The following MACF1 variants were observed in gnomAD, a reference collection of about 807,000 sequenced individuals.
The protein encoded by MACF1 is microtubule actin crosslinking factor 1, also known as microtubule-actin cross-linking factor 1.
In MACF1, 193 loss-of-function variants were observed where a neutral mutation model predicts 854.8. The ratio of observed to expected loss-of-function variants is 0.23; its 90% CI spans 0.20 to 0.25. MACF1 has a LOEUF of 0.25. Among genes scored for constraint, MACF1 ranks in the 10% least tolerant of loss-of-function variants. The probability of loss-of-function intolerance (pLI) is 1.00; values close to 1 mark genes in which losing one functional copy is unlikely to be tolerated. For missense variants in MACF1, 7,722 were observed against 8,929.1 expected (o/e 0.86, Z 5.45); for synonymous variants, 3,185 against 3,226.7 (o/e 0.99, Z 0.44).
intron 2 of MACF1, among the ~76,000 whole-genome samples, chr1:39,236,733 C>G (rs1404644635): frequency 6.6e-6 from 1 of 152,132 alleles, no homozygotes; most frequent in African/African-American, 2.4e-5. Context: ...GCAATCTCAG[C>G]TCACTGCAAC....
chr1:39,359,225 G>A lies in MACF1; in HGVS notation c.12205G>A (p.Glu4069Lys), dbSNP rs1647852026. ...VARDIMEIEGEPAPDHRHVQE... is the reference protein window; with the variant it reads ...VARDIMEIEGKPAPDHRHVQE... ...TCGTGACATAATGGAAATTGAAGGGGAGCCAGCCCCAGACCACAGGCATGT... is the reference window on the plus strand; with the variant it reads ...TCGTGACATAATGGAAATTGAAGGGAAGCCAGCCCCAGACCACAGGCATGT... Residue 4069 changes from glutamate (E) to lysine (K), a missense_variant, in exon 47 of 101, where the codon GAG becomes AAG. This residue lies in a region of MACF1 where 2,807 missense variants were observed against 3,235.8 expected (regional missense o/e 0.87). Transcript: ENST00000564288. 6.2e-7 allele frequency: 1 copy of A among 1,614,062 alleles called. No individual in the cohort carries two copies. Among genetic ancestry groups the A allele is most frequent in the South Asian group, 1.1e-5 (1 of 91,070 alleles).
rs1239983968 is a variant in MACF1 at position 39,346,972 on chromosome 1, C to G, written c.10582-5C>G. The G allele has an allele frequency of 8.8e-6, 14 of 1,588,268 alleles. No individual in the cohort carries two copies. The highest frequency in any genetic ancestry group is 1.2e-5 in the Non-Finnish European group (14 of 1,165,898). ...TGTTTTGTTTCCTTTTTCCATTTAC[C>G]TTAGGATTTGAAACAGCCCATGGCT... On this transcript the variant is annotated splice_region_variant and splice_polypyrimidine_tract_variant and intron_variant, in intron 40 of 100. Coordinates refer to ENST00000564288, the MANE Select transcript of MACF1 (RefSeq NM_001394062.1).
Position 39,335,369 on chromosome 1 carries a change from C to G in MACF1, c.8781C>G (p.Thr2927=), listed in dbSNP as rs372932766. 63 of 1,613,420 alleles carry G rather than the reference C, an allele frequency of 3.9e-5. No individual in the cohort carries two copies. In the East Asian group the frequency reaches 9.1e-4, roughly 23 times the overall value. ...TTATTTCTCATATGAAGCAGTCTAC[C>G]TCATGTCTAGATTCTGAAGAAATAA... ...IEIISHMKQS[T]SCLDSEEIRE... Residue 2927 remains threonine (T), a synonymous_variant, in exon 37 of 101, where the codon ACC becomes ACG. Coordinates refer to ENST00000564288, the MANE Select transcript of MACF1 (RefSeq NM_001394062.1).
At position 39,340,553 on chromosome 1, in the gene MACF1, G is replaced by A; in HGVS notation, c.10267G>A (p.Glu3423Lys). ...GACCACCTTGGTCAGTCAGGAGCTG[G>A]AGTGTGTGAATCAGATTATCATCAG... Reference protein sequence around the residue: ...DLTTLVSQELECVNQIIISQP... With the variant: ...DLTTLVSQELKCVNQIIISQP... Residue 3423 changes from glutamate to lysine, a missense_variant, in exon 39 of 101, where the codon GAG (glutamate) becomes AAG (lysine). Glu to Lys is a moderately conservative substitution (Grantham distance 56). Coordinates refer to ENST00000564288, the MANE Select transcript of MACF1 (RefSeq NM_001394062.1). 6.2e-7 allele frequency: 1 copy of A among 1,614,070 alleles called. No individual in the cohort carries two copies. Among genetic ancestry groups the A allele is most frequent in the East Asian group, 2.2e-5 (1 of 44,882 alleles).
rs949800536 is a variant in MACF1, at chr1:39,300,259, T to C, written c.2531T>C (p.Val844Ala). Reference protein sequence around the residue: ...IQSKSSVASLVGRSKTIVQLK... With the variant: ...IQSKSSVASLAGRSKTIVQLK... ...TCCAAGAGTTCCGTTGCCAGTCTCG[T>C]TGGGAGATCAAAAACCATCGTTCAG... Residue 844 changes from valine to alanine, a missense_variant, in exon 22 of 101, where the codon GTT becomes GCT. Val to Ala is a moderately conservative substitution (Grantham distance 64, BLOSUM62 0). Transcript: ENST00000564288. 1.9e-6 allele frequency: 3 copies of C among 1,613,994 alleles called. No homozygotes were observed. In the South Asian group the frequency reaches 3.3e-5, roughly 18 times the overall value.
At chr1:39,382,886 T>C (rs1242918423) in intron 56 of MACF1, among the ~76,000 whole-genome samples, 8 of 151,932 alleles carry the variant, frequency 5.3e-5, no homozygotes, top group African/African-American at 1.9e-4. Context: ...TTTGGGAGGC[T>C]AAGGTGGGTG....
intron 52 of MACF1, 109 bp from the exon 53 acceptor site, chr1:39,378,352 A>G: frequency 2.7e-6 from 2 of 731,614 alleles, no homozygotes; most frequent in South Asian, 3.1e-5. Context: ...TGCTGTGTTA[A>G]CTTCCTGATA....
intron 62 of MACF1, 77 bp downstream of exon 62, chr1:39,427,691 T>C: frequency 1.4e-6 from 2 of 1,405,998 alleles, no homozygotes. Context: ...GCCTGCAGCA[T>C]TCTAGAGGAT....
At chr1:39,169,734 C>T (rs986650400) in intron 2 of MACF1, among the ~76,000 whole-genome samples, 2 of 151,760 alleles carry the variant, frequency 1.3e-5, no homozygotes, top group Admixed American at 6.6e-5. Context: ...CTTATCCTCC[C>T]TCATTCATTC....
At chr1:39,325,092 A>G (rs979429698) in intron 35 of MACF1, among the ~76,000 whole-genome samples, 1 of 152,230 alleles carries the variant, frequency 6.6e-6, no homozygotes, top group Non-Finnish European at 1.5e-5. Flanking sequence ...AGGATAATGA[A>G]TCTATGGGTG....
Position 39,370,118 on chromosome 1 carries a change from G to T in MACF1, c.13027G>T (p.Gly4343Trp), listed in dbSNP as rs771449463. ...CCAGAAATGGTTGAAAGAAACTGAA[G>T]GGAGTATTCCACCTACGGAAACTTC... ...TFQKWLKETEGSIPPTETSMS... is the reference protein window; with the variant it reads ...TFQKWLKETEWSIPPTETSMS... The change falls in exon 51 of 101, where the codon GGG becomes TGG. Residue 4343 changes from glycine (G) to tryptophan (W), a missense_variant. Physicochemically the swap from Gly to Trp is radical, Grantham distance 184. This residue lies in a region of MACF1 where 2,807 missense variants were observed against 3,235.8 expected (regional missense o/e 0.87). Transcript: ENST00000564288. The T allele has an allele frequency of 1.2e-6, 2 of 1,614,084 alleles. No individual in the cohort carries two copies. The highest frequency in any genetic ancestry group is 1.3e-5 in the African/African-American group (1 of 75,048).
chr1:39,369,699 C>T (rs1237042250), intron 50 of MACF1, among the ~76,000 whole-genome samples: 1 of 152,178 alleles, frequency 6.6e-6, no homozygotes, highest in African/African-American at 2.4e-5. Flanking sequence ...GTAGCAGGGC[C>T]GGAATTGAGA....
chr1:39,466,124 A>G (rs1644662852), intron 95 of MACF1, among the ~76,000 whole-genome samples: 1 of 152,194 alleles, frequency 6.6e-6, no homozygotes, highest in African/African-American at 2.4e-5. Flanking sequence ...CAAAGATCAC[A>G]TGCCTACTCT....
At chr1:39,118,776 T>C (rs1386725394) in intron 2 of MACF1, among the ~76,000 whole-genome samples, 1 of 152,144 alleles carries the variant, frequency 6.6e-6, no homozygotes, top group Non-Finnish European at 1.5e-5. Flanking sequence ...AGGGGGCTAA[T>C]AAGCGCAGAA....
chr1:39,452,332 T>A lies in MACF1; in HGVS notation c.20595T>A (p.Leu6865=), dbSNP rs1341939546. ...CKLSVSKQSR[L]EQALKQAEVF... ...TCTCTGTTTCCAAACAAAGCCGGCT[T>A]GAGCAGGCCTTAAAACAAGTAAGGG... is the stretch of plus-strand genomic sequence containing the variant. Residue 6865 remains leucine (L), a synonymous_variant, in exon 86 of 101, where the codon CTT becomes CTA. Transcript: ENST00000564288. 6.2e-7 allele frequency: 1 copy of A among 1,613,718 alleles called. No homozygotes were observed.
At chr1:39,338,571 G>A (rs80092748) in intron 38 of MACF1, among the ~76,000 whole-genome samples, 2,995 of 152,234 alleles carry the variant, frequency 0.02, 105 homozygotes, top group African/African-American at 0.069. Flanking sequence ...ACATAGCCTG[G>A]CAACTGCTTG....
intron 2 of MACF1, among the ~76,000 whole-genome samples, chr1:39,244,380 C>T (rs1644959217): frequency 6.6e-6 from 1 of 152,102 alleles, no homozygotes; most frequent in Admixed American, 6.5e-5. Flanking sequence ...CTCCGAGGTT[C>T]AAGTGATTTT....
chr1:39,371,829 T>TC (rs1357279915), intron 51 of MACF1, among the ~76,000 whole-genome samples: 2 of 151,760 alleles, frequency 1.3e-5, no homozygotes, highest in Non-Finnish European at 2.9e-5. Context: ...TTTTTTTTTT[T>TC]TTAAGACGGA....
chr1:39,376,110 A>C (rs1051829756), intron 52 of MACF1, among the ~76,000 whole-genome samples: 2 of 152,220 alleles, frequency 1.3e-5, no homozygotes, highest in Non-Finnish European at 2.9e-5. Context: ...CTTAAAATAG[A>C]TGCTTAGATG....
Sources: gnomAD v4.1 joint callset for allele counts (sites outside exome capture counted in the v4.1 genomes callset) on GRCh38, gnomAD v4.1.1 for gene constraint, gnomAD v4.1.1 regional missense constraint, MANE v1.5 for transcripts, NCBI Gene and HGNC (gene_info 2026-07-23, HGNC 2026-07-21) for gene names.